The following ITPR1 variants were observed in gnomAD, a reference collection of about 807,000 sequenced individuals.
ITPR1 encodes the protein inositol 1,4,5-trisphosphate-gated calcium channel ITPR1.
In ITPR1, 96 loss-of-function variants were observed where a neutral mutation model predicts 318.4. That is an observed-to-expected ratio of 0.30 (90% CI 0.26 to 0.36). ITPR1 has a LOEUF of 0.36. Among genes scored for constraint, ITPR1 ranks in the 10% least tolerant of loss-of-function variants. The pLI is 1.00. For synonymous variants in ITPR1, 1,312 were observed against 1,289.9 expected, an observed-to-expected ratio of 1.02 and a Z score of -0.37; for missense variants, 2,440 against 3,460.2, an observed-to-expected ratio of 0.71 and a Z score of 7.40.
chr3:4,780,283 A>G (rs1481308184), intron 49 of ITPR1, among the ~76,000 whole-genome samples: 1 of 152,156 alleles, frequency 6.6e-6, no homozygotes, highest in Non-Finnish European at 1.5e-5. Flanking sequence ...TTTGAGCCAT[A>G]TCTTTGTCCA....
In ITPR1 at chr3:4,706,329, G is replaced by A. The variant is rs779679540; in HGVS notation, c.4820G>A (p.Arg1607Gln). 1.9e-6 allele frequency: 3 copies of A among 1,612,782 alleles called. No individual in the cohort carries two copies. Among genetic ancestry groups the A allele is most frequent in the Non-Finnish European group, 1.7e-6 (2 of 1,179,048 alleles). ...GTTCTGGCAGCTTCCAGAGACTACC[G>A]GAATATCATTGAGAGATTGCAGGTA... ...DSVLAASRDY[R>Q]NIIERLQDIV... The change falls in exon 37 of 62, where the codon CGG becomes CAG. Residue 1607 changes from arginine (R) to glutamine (Q), a missense_variant. By Grantham distance (43) the Arg-to-Gln change is conservative. Coordinates refer to ENST00000649015, the MANE Select transcript of ITPR1 (RefSeq NM_001378452.1).
chr3:4,669,831 C>T, intron 19 of ITPR1, 58 bp downstream of exon 19: 4 of 1,487,152 alleles, frequency 2.7e-6, no homozygotes, highest in African/African-American at 2.8e-5. Flanking sequence ...TGTTGGTGCT[C>T]ATGAGGAATA....
intron 52 of ITPR1, 157 bp from the exon 53 acceptor site, chr3:4,794,908 T>C (rs186483335): frequency 5.9e-5 from 45 of 763,070 alleles, no homozygotes; most frequent in Admixed American, 9.3e-5. Context: ...TGTCATTATG[T>C]ACCAAGTTCC....
At chr3:4,819,606 A>G (rs1160738965) in intron 60 of ITPR1, among the ~76,000 whole-genome samples, 1 of 152,152 alleles carries the variant, frequency 6.6e-6, no homozygotes, top group Non-Finnish European at 1.5e-5. Flanking sequence ...TCCTTTACAT[A>G]CATTTGGCCC....
At chr3:4,800,261 G>C in intron 53 of ITPR1, 164 bp from the exon 54 acceptor site, 1 of 600,384 alleles carries the variant, frequency 1.7e-6, no homozygotes, top group East Asian at 3.2e-5. Flanking sequence ...GTCAAAAAAT[G>C]CTGATGGGAC....
At position 4,610,974 on chromosome 3, in the gene ITPR1, C is replaced by CCTCCTTCTCCTTCTCCTT. The variant is rs1260958358; in HGVS notation, c.164-16781_164-16764dup. On this transcript the variant is annotated intron_variant, in intron 4 of 61. Transcript: ENST00000649015. ...CTTCCCCTTCCCCTTCCCCCTTCCCCCTCCTTCTCCTTCTCCTTCTCCTTC... is the reference window on the plus strand; with the variant it reads ...CTTCCCCTTCCCCTTCCCCCTTCCCCCTCCTTCTCCTTCTCCTTCTCCTTCTCCTTCTCCTTCTCCTTC... 6.2e-3 allele frequency among the ~76,000 whole-genome samples: 520 copies of CCTCCTTCTCCTTCTCCTT among 83,274 alleles called. 12 individuals carry two copies. The highest frequency in any genetic ancestry group is 0.012 in the Middle Eastern group (2 of 168). 54.6% of individuals were successfully genotyped at this position (83,274 alleles called of 152,430 possible). A position where few individuals can be genotyped will look rare whatever the true frequency, so the allele number is the denominator to read the frequency against.
At chr3:4,832,260 G>A (rs1346972154) in intron 60 of ITPR1, among the ~76,000 whole-genome samples, 1 of 152,168 alleles carries the variant, frequency 6.6e-6, no homozygotes, top group Non-Finnish European at 1.5e-5. Flanking sequence ...ATAAATTTCT[G>A]GACCAGAAAA....
At chr3:4,680,454 G>A in intron 24 of ITPR1, 99 bp from the exon 25 acceptor site, 3 of 1,031,810 alleles carry the variant, frequency 2.9e-6, no homozygotes, top group Non-Finnish European at 4.4e-6. Flanking sequence ...GGTAATTGAT[G>A]CAGCTGATAC....
chr3:4,842,379 TG>T (rs2051415001), intron 61 of ITPR1, among the ~76,000 whole-genome samples: 1 of 152,246 alleles, frequency 6.6e-6, no homozygotes, highest in East Asian at 1.9e-4. Flanking sequence ...TGCTTTGTTT[TG>T]TTTTTGAGAC....
intron 17 of ITPR1, among the ~76,000 whole-genome samples, chr3:4,665,699 T>A (rs902479735): frequency 6.6e-6 from 1 of 152,196 alleles, no homozygotes; most frequent in South Asian, 2.1e-4. Flanking sequence ...TTGTTTCTGA[T>A]TCATGTTTTA....
intron 6 of ITPR1, among the ~76,000 whole-genome samples, chr3:4,640,006 G>A (rs78663073): frequency 0.021 from 3,233 of 152,052 alleles, 124 homozygotes; most frequent in African/African-American, 0.074. Flanking sequence ...TAAATTTGCC[G>A]TGGAGATAAA....
chr3:4,636,185 C>G (rs2093184459), intron 5 of ITPR1, among the ~76,000 whole-genome samples: 1 of 151,994 alleles, frequency 6.6e-6, no homozygotes, highest in African/African-American at 2.4e-5. Flanking sequence ...TAAAAACTAA[C>G]ATGTGAACTG....
rs76456182 is a variant in ITPR1, at chr3:4,698,927, C to T, written c.4408-886C>T. Among the ~76,000 whole-genome samples the T allele has an allele frequency of 3.8e-3, 572 of 152,266 alleles. 2 individuals carry two copies. Among genetic ancestry groups the T allele is most frequent in the African/African-American group, 0.013 (541 of 41,542 alleles). ...CTAGGCAGCAGAATTAAGCAGAGTA[C>T]GGGTGAAATCGTAGGTGTCTCCTCA... On this transcript the variant is annotated intron_variant, in intron 34 of 61. Coordinates refer to ENST00000649015, the MANE Select transcript of ITPR1 (RefSeq NM_001378452.1).
chr3:4,810,067 C>T (rs549230539), intron 55 of ITPR1, among the ~76,000 whole-genome samples: 104 of 152,280 alleles, frequency 6.8e-4, no homozygotes, highest in African/African-American at 2.5e-3. Flanking sequence ...GGAAGGGACT[C>T]AGAGATCAGC....
chr3:4,711,928 C>G, intron 39 of ITPR1, 60 bp downstream of exon 39: 1 of 757,184 alleles, frequency 1.3e-6, no homozygotes, highest in Non-Finnish European at 2.1e-6. Context: ...AGGGAGGGAC[C>G]TTTCAAAACC....
At chr3:4,525,615 TTAGAA>T (rs1339863918) in intron 4 of ITPR1, among the ~76,000 whole-genome samples, 1 of 152,214 alleles carries the variant, frequency 6.6e-6, no homozygotes, top group Non-Finnish European at 1.5e-5. Context: ...GAGCTGAGAC[TTAGAA>T]TAATACAGCA....
intron 56 of ITPR1, among the ~76,000 whole-genome samples, chr3:4,812,121 C>T (rs1264507389): frequency 6.6e-6 from 1 of 151,166 alleles, no homozygotes; most frequent in African/African-American, 2.4e-5. Flanking sequence ...CTCACTGCAA[C>T]CTCCAACCTC....
chr3:4,588,951 GC>G (rs2090155338), intron 4 of ITPR1, among the ~76,000 whole-genome samples: 3 of 152,126 alleles, frequency 2.0e-5, no homozygotes, highest in Admixed American at 2.0e-4. Context: ...CTAGTCTACA[GC>G]CCTCATTCTG....
chr3:4,751,973 C>T (rs2044564828), intron 44 of ITPR1, among the ~76,000 whole-genome samples: 1 of 152,250 alleles, frequency 6.6e-6, no homozygotes, highest in African/African-American at 2.4e-5. Flanking sequence ...TCCTGAGGTC[C>T]TCTGAGTTCC....
Sources: allele counts gnomAD v4.1 joint callset (sites outside exome capture counted in the v4.1 genomes callset), GRCh38; gene constraint gnomAD v4.1.1; transcripts MANE v1.5; gene names NCBI Gene and HGNC (gene_info 2026-07-23, HGNC 2026-07-21).